The following TTLL3 variants were observed in gnomAD, a reference collection of about 807,000 sequenced individuals.
TTLL3 encodes the protein tubulin tyrosine ligase like 3.
TTLL3 carries 63 observed loss-of-function variants against 75.2 expected under a neutral mutation model. That is an observed-to-expected ratio of 0.84 (90% CI 0.68 to 1.03). TTLL3 has a LOEUF of 1.03. Among genes scored for constraint, TTLL3 ranks in the 50% least tolerant of loss-of-function variants. TTLL3 has a pLI of 0.00. For missense variants in TTLL3, 997 were observed against 1,069.9 expected (o/e 0.93, Z 0.95); for synonymous variants, 393 against 418.5 (o/e 0.94, Z 0.74).
chr3:9,819,896 T>C (rs1000147122), intron 7 of TTLL3: 6 of 985,416 alleles, frequency 6.1e-6, no homozygotes, highest in Non-Finnish European at 7.2e-6. Flanking sequence ...TAAGCTTTTA[T>C]GGTATAGGTC....
intron 12 of TTLL3, chr3:9,834,250 C>T (rs556312050): frequency 1.3e-5 from 5 of 399,268 alleles, no homozygotes; most frequent in African/African-American, 1.0e-4. Flanking sequence ...TTGCTCTCTC[C>T]AGCGCCCACG....
Position 9,811,687 on chromosome 3 carries a change from G to A in TTLL3, c.48+978G>A, listed in dbSNP as rs1355196131. Among the ~76,000 whole-genome samples the A allele has an allele frequency of 4.6e-5, 7 of 152,296 alleles. No homozygotes were observed. The South Asian group carries it at 8.3e-4, about 18-fold the overall frequency. ...CACTCTTAGTATGAAATCCAAGTCC[G>A]TTCCAAGGCCTGCAGGGCCTTCCAC... On this transcript the variant is annotated intron_variant, in intron 2 of 13. Transcript: ENST00000685419.
chr3:9,814,969 G>A (rs1034848348), intron 4 of TTLL3, among the ~76,000 whole-genome samples: 1 of 152,124 alleles, frequency 6.6e-6, no homozygotes, highest in African/African-American at 2.4e-5. Context: ...CGGGCATGGT[G>A]GGTCATGCCT....
chr3:9,825,832 A>G lies in TTLL3; in HGVS notation c.887A>G (p.Gln296Arg). 2 of 1,614,126 alleles carry G rather than the reference A, an allele frequency of 1.2e-6. No individual in the cohort carries two copies. Among genetic ancestry groups the G allele is most frequent in the Non-Finnish European group, 1.7e-6 (2 of 1,180,004 alleles). Residue 296 changes from glutamine (Q) to arginine (R), a missense_variant, in exon 9 of 14, where the codon CAG becomes CGG. Gln to Arg is a conservative substitution (Grantham distance 43). Transcript: ENST00000685419. Reference protein sequence around the residue: ...EGAELRHLDTQVQRCEDILQQ... With the variant: ...EGAELRHLDTRVQRCEDILQQ... The stretch of plus-strand genomic sequence containing the variant: ...GCAGAACTCAGGCACCTCGACACTC[A>G]GGTCCAGCGCTGTGAGGACATCCTG...
In TTLL3 at chr3:9,822,528, T is replaced by C. The variant is rs1265676586; in HGVS notation, c.854+1787T>C. 5.9e-5 allele frequency among the ~76,000 whole-genome samples: 9 copies of C among 151,524 alleles called. No homozygotes were observed. In the East Asian group the frequency reaches 1.6e-3, roughly 26 times the overall value. Reference sequence around the variant, plus strand: ...GCATTCATTCATTCCCTCAATATTTTATTTTATTTTTTTGAGACAGGGTCT... The same window carrying C: ...GCATTCATTCATTCCCTCAATATTTCATTTTATTTTTTTGAGACAGGGTCT... On this transcript the variant is annotated intron_variant, in intron 8 of 13. Transcript: ENST00000685419.
chr3:9,827,885 T>C (rs1425555155), intron 10 of TTLL3: 1 of 152,338 alleles, frequency 6.6e-6, no homozygotes, highest in African/African-American at 2.4e-5. Flanking sequence ...CTCATGCCTG[T>C]AATCCAAGCA....
intron 2 of TTLL3, 134 bp from the exon 3 acceptor site, chr3:9,812,809 C>T (rs528244844): frequency 9.9e-7 from 1 of 1,008,992 alleles, no homozygotes; most frequent in Middle Eastern, 2.6e-4. Flanking sequence ...TATTTATAGT[C>T]TGTTTATTTC....
rs763528313 is a variant in TTLL3, at chr3:9,810,579, C to A, written c.-41-42C>A. The A allele has an allele frequency of 6.5e-7, 1 of 1,544,246 alleles. No homozygotes were observed. The highest frequency in any genetic ancestry group is 1.2e-5 in the South Asian group (1 of 83,202). On this transcript the variant is annotated intron_variant, in intron 1 of 13. Coordinates refer to ENST00000685419, the MANE Select transcript of TTLL3 (RefSeq NM_001387446.1). The surrounding 1 kb of genome is among the most constrained non-coding windows in gnomAD (Gnocchi z 4.4). ...AGATCCTAGGCCGAGACCCTAGGCCCAGCCTCAGTGTACCCCGCCCCTATT... is the reference window on the plus strand; with the variant it reads ...AGATCCTAGGCCGAGACCCTAGGCCAAGCCTCAGTGTACCCCGCCCCTATT...
At chr3:9,830,899 T>A (rs1575411943) in intron 11 of TTLL3, among the ~76,000 whole-genome samples, 2 of 151,708 alleles carry the variant, frequency 1.3e-5, no homozygotes, top group Non-Finnish European at 2.9e-5. Context: ...GCCTCCCGGG[T>A]TCAAGCGCTT....
At chr3:9,822,869 G>C (rs896724873) in intron 8 of TTLL3, among the ~76,000 whole-genome samples, 1 of 145,010 alleles carries the variant, frequency 6.9e-6, no homozygotes, top group East Asian at 2.2e-4. Context: ...TTGGCCTCCC[G>C]AAGTGCTGGG....
At chr3:9,831,773 G>A (rs986922136) in intron 11 of TTLL3, among the ~76,000 whole-genome samples, 3 of 150,870 alleles carry the variant, frequency 2.0e-5, no homozygotes, top group Non-Finnish European at 4.4e-5. Flanking sequence ...ACTTGGGAGT[G>A]CTGATAGCTA....
At chr3:9,822,770 T>C (rs1559741618) in intron 8 of TTLL3, among the ~76,000 whole-genome samples, 2 of 144,842 alleles carry the variant, frequency 1.4e-5, no homozygotes, top group Admixed American at 7.0e-5. Flanking sequence ...ACATAATATA[T>C]ACATATATAT....
Position 9,827,234 on chromosome 3 carries a change from T to G in TTLL3, c.1241T>G (p.Leu414Arg). 6.2e-7 allele frequency: 1 copy of G among 1,613,840 alleles called. No homozygotes were observed. The highest frequency in any genetic ancestry group is 8.5e-7 in the Non-Finnish European group (1 of 1,179,670). Reference sequence around the variant, plus strand: ...ACGCAGCCCTTCTCCCTGAAGAACCTGGACAAGTGAGCCCCTCTGCTCGCC... The same window carrying G: ...ACGCAGCCCTTCTCCCTGAAGAACCGGGACAAGTGAGCCCCTCTGCTCGCC... ...FSTQPFSLKNLDNSVHLCNNS... is the reference protein window; with the variant it reads ...FSTQPFSLKNRDNSVHLCNNS... Residue 414 changes from leucine (L) to arginine (R), a missense_variant, in exon 10 of 14, where the codon CTG becomes CGG. Physicochemically the swap from Leu to Arg is moderately radical, Grantham distance 102. Coordinates refer to ENST00000685419, the MANE Select transcript of TTLL3 (RefSeq NM_001387446.1).
chr3:9,826,044 A>C, intron 9 of TTLL3, 96 bp downstream of exon 9: 1 of 1,509,184 alleles, frequency 6.6e-7, no homozygotes, highest in Non-Finnish European at 8.9e-7. Context: ...ATTGAAGCCA[A>C]ATTGCCTGGG....
At chr3:9,826,221 C>T (rs2081025617) in intron 9 of TTLL3, among the ~76,000 whole-genome samples, 1 of 152,184 alleles carries the variant, frequency 6.6e-6, no homozygotes. Context: ...AAATCCTCAA[C>T]GTGCTTCAAT....
At chr3:9,820,928 C>T in intron 8 of TTLL3, 187 bp downstream of exon 8, 1 of 947,560 alleles carries the variant, frequency 1.1e-6, no homozygotes, top group Non-Finnish European at 1.5e-6. Context: ...TGGTTCTTGG[C>T]ATAGCATAGT....
At position 9,835,149 on chromosome 3, in the gene TTLL3, GC is replaced by G. The variant is rs1422050452; in HGVS notation, c.2111del (p.Pro704LeufsTer2). On this transcript the variant is annotated frameshift_variant, in exon 14 of 14. Coordinates refer to ENST00000685419, the MANE Select transcript of TTLL3 (RefSeq NM_001387446.1). LOFTEE classifies it low-confidence loss of function (END_TRUNC). ...GPQLEVPCCL[C>X]PLKSEQFLAP... ...CAGCTGGAAGTGCCTTGTTGCCTCT[GC>G]CCTTTGAAGTCGGAACAATTCCTAG... The G allele has an allele frequency of 1.9e-6, 3 of 1,614,032 alleles. No individual in the cohort carries two copies. Among genetic ancestry groups the G allele is most frequent in the Non-Finnish European group, 2.5e-6 (3 of 1,180,014 alleles).
intron 8 of TTLL3, among the ~76,000 whole-genome samples, chr3:9,824,757 T>C (rs2080862324): frequency 1.4e-5 from 2 of 145,826 alleles, no homozygotes; most frequent in South Asian, 4.5e-4. Context: ...TTTTTTTTTT[T>C]TGAGACGGAA....
At position 9,833,180 on chromosome 3, in the gene TTLL3, T is replaced by C. The variant is rs779987087; in HGVS notation, c.1760T>C (p.Met587Thr). The C allele has an allele frequency of 3.7e-6, 6 of 1,614,140 alleles. No individual in the cohort carries two copies. The highest frequency in any genetic ancestry group is 2.2e-5 in the East Asian group (1 of 44,868). The change falls in exon 12 of 14, where the codon ATG becomes ACG. Residue 587 changes from methionine to threonine, a missense_variant. By Grantham distance (81) the Met-to-Thr change is moderately conservative (BLOSUM62 -1). Coordinates refer to ENST00000685419, the MANE Select transcript of TTLL3 (RefSeq NM_001387446.1). ...TTCACCATCAAGAAGCCCATGGCGA[T>C]GTGTCATCGGCGGATGGGGGTCCGC... ...EGFTIKKPMA[M>T]CHRRMGVRPA...
Sources: allele counts gnomAD v4.1 joint callset (sites outside exome capture counted in the v4.1 genomes callset), GRCh38; gene constraint gnomAD v4.1.1; non-coding constraint Gnocchi (gnomAD v3.1); transcripts MANE v1.5; gene names NCBI Gene and HGNC (gene_info 2026-07-23, HGNC 2026-07-21).